ROBO1: variants seen among roughly 807,000 people sequenced by gnomAD.
ROBO1 encodes the protein roundabout homolog 1.
ROBO1 carries 149 observed loss-of-function variants against 195.9 expected under a neutral mutation model. The observed-to-expected ratio is 0.76, with a 90% confidence interval of 0.67 to 0.87. ROBO1 has a LOEUF of 0.87. Ranked by LOEUF, ROBO1 falls within the 40% of genes least tolerant of loss-of-function variation. ROBO1 has a pLI of 0.00. For missense variants in ROBO1, 1,933 were observed against 2,068.3 expected (o/e 0.93, Z 1.27); for synonymous variants, 816 against 733.2 (o/e 1.11, Z -1.82).
chr3:79,458,446 A>C (rs567339699), intron 2 of ROBO1, among the ~76,000 whole-genome samples: 1 of 152,286 alleles, frequency 6.6e-6, no homozygotes, highest in Admixed American at 6.5e-5. Flanking sequence ...ATCTGGAAGA[A>C]TGGGCCACTC....
At chr3:79,554,671 C>T (rs2107685266) in intron 2 of ROBO1, among the ~76,000 whole-genome samples, 1 of 152,108 alleles carries the variant, frequency 6.6e-6, no homozygotes, top group East Asian at 1.9e-4. Flanking sequence ...AGTAGGGAGA[C>T]TCCTATTATT....
At chr3:79,444,902 C>A (rs1393230854) in intron 2 of ROBO1, among the ~76,000 whole-genome samples, 1 of 151,712 alleles carries the variant, frequency 6.6e-6, no homozygotes, top group Non-Finnish European at 1.5e-5. Context: ...GATAACAATG[C>A]AAATATGTTA....
intron 2 of ROBO1, among the ~76,000 whole-genome samples, chr3:79,433,073 A>C (rs2038744331): frequency 2.6e-5 from 4 of 152,162 alleles, no homozygotes; most frequent in African/African-American, 9.6e-5. Flanking sequence ...GGTATGTTAC[A>C]TAGTTAAATG....
intron 2 of ROBO1, among the ~76,000 whole-genome samples, chr3:79,345,033 TC>T (rs2035057935): frequency 6.6e-6 from 1 of 152,186 alleles, no homozygotes; most frequent in Non-Finnish European, 1.5e-5. Context: ...TAAACCTCTT[TC>T]CTTTAGAAAC....
chr3:78,628,070 C>T (rs1432063761), intron 25 of ROBO1, among the ~76,000 whole-genome samples: 1 of 151,706 alleles, frequency 6.6e-6, no homozygotes, highest in East Asian at 2.0e-4. Context: ...TCTTTTGGCT[C>T]AGCCTCCTGA....
intron 10 of ROBO1, among the ~76,000 whole-genome samples, chr3:78,683,929 C>A (rs1258451022): frequency 6.6e-6 from 1 of 151,754 alleles, no homozygotes; most frequent in Non-Finnish European, 1.5e-5. Flanking sequence ...TGGTTTTCAG[C>A]AAAATTAATT....
chr3:79,216,865 A>C (rs1310265473), intron 2 of ROBO1, among the ~76,000 whole-genome samples: 1 of 152,080 alleles, frequency 6.6e-6, no homozygotes, highest in Non-Finnish European at 1.5e-5. Flanking sequence ...ATAGAAACCC[A>C]TCTTGGTGAT....
intron 1 of ROBO1, among the ~76,000 whole-genome samples, chr3:79,649,519 C>G (rs1427700000): frequency 6.6e-6 from 1 of 151,898 alleles, no homozygotes; most frequent in Non-Finnish European, 1.5e-5. Context: ...CATTTAAACA[C>G]TCGTGAATCA....
intron 2 of ROBO1, among the ~76,000 whole-genome samples, chr3:79,545,568 A>C (rs1371150163): frequency 1.3e-5 from 2 of 152,190 alleles, no homozygotes; most frequent in Non-Finnish European, 2.9e-5. Context: ...AATAACCCTA[A>C]TGAGTTTTAA....
intron 3 of ROBO1, among the ~76,000 whole-genome samples, chr3:79,027,228 G>A (rs1273870749): frequency 6.6e-6 from 1 of 152,010 alleles, no homozygotes; most frequent in Non-Finnish European, 1.5e-5. Flanking sequence ...AATTGTACTC[G>A]AGTTTCCTAT....
chr3:79,586,105 G>A (rs769494930), intron 2 of ROBO1, among the ~76,000 whole-genome samples: 33 of 151,768 alleles, frequency 2.2e-4, no homozygotes, highest in Non-Finnish European at 4.7e-4. Context: ...CTTTCAATTT[G>A]TTTTCACATG....
At chr3:79,641,751 T>A (rs1055704259) in intron 1 of ROBO1, among the ~76,000 whole-genome samples, 13 of 152,022 alleles carry the variant, frequency 8.6e-5, no homozygotes, top group Non-Finnish European at 1.8e-4. Context: ...GGTGTGGTGG[T>A]TCATGCCTGT....
At chr3:79,472,023 G>A (rs1307598706) in intron 2 of ROBO1, among the ~76,000 whole-genome samples, 9 of 151,936 alleles carry the variant, frequency 5.9e-5, no homozygotes, top group Non-Finnish European at 8.8e-5. Flanking sequence ...ACCAAGGCAC[G>A]TGTATACCTA....
intron 2 of ROBO1, among the ~76,000 whole-genome samples, chr3:79,483,617 T>A (rs66851083): frequency 6.6e-6 from 1 of 152,096 alleles, no homozygotes. Flanking sequence ...CTGTAAATCA[T>A]GTTACTGTAC....
At position 79,577,841 on chromosome 3, in the gene ROBO1, G is replaced by C. The variant is rs577502467; in HGVS notation, c.88+11983C>G. On this transcript the variant is annotated intron_variant, in intron 2 of 30. Transcript: ENST00000464233. ...GCAGGAGAATCGCTTGAACTCGGGAGGCAGAGGTTGCAGTGAGCGGAGAGC... is the reference window on the plus strand; with the variant it reads ...GCAGGAGAATCGCTTGAACTCGGGACGCAGAGGTTGCAGTGAGCGGAGAGC... Among the ~76,000 whole-genome samples, 36 of 152,114 alleles carry C rather than the reference G, an allele frequency of 2.4e-4. 1 individual carries two copies. The South Asian group carries it at 7.0e-3, about 30-fold the overall frequency.
At chr3:79,654,003 T>C (rs1206513689) in intron 1 of ROBO1, among the ~76,000 whole-genome samples, 1 of 152,000 alleles carries the variant, frequency 6.6e-6, no homozygotes, top group Non-Finnish European at 1.5e-5. Context: ...AGCTATCGAT[T>C]TGTGAGTTAA....
chr3:79,071,222 GATTTT>G (rs2079082535), intron 3 of ROBO1, among the ~76,000 whole-genome samples: 7 of 151,602 alleles, frequency 4.6e-5, no homozygotes, highest in African/African-American at 1.2e-4. Context: ...CTATCATACA[GATTTT>G]ATTTTAATTA....
intron 5 of ROBO1, among the ~76,000 whole-genome samples, chr3:78,745,985 A>C (rs930072781): frequency 5.9e-5 from 9 of 152,210 alleles, no homozygotes; most frequent in African/African-American, 2.2e-4. Flanking sequence ...GCGAATTCAC[A>C]ATGGACAGAT....
intron 2 of ROBO1, among the ~76,000 whole-genome samples, chr3:79,136,773 G>A (rs2080417394): frequency 6.6e-6 from 1 of 152,058 alleles, no homozygotes; most frequent in African/African-American, 2.4e-5. Context: ...TTTATTATCT[G>A]TCCCATTTTT....
Sources: allele counts gnomAD v4.1 joint callset (sites outside exome capture counted in the v4.1 genomes callset), GRCh38; gene constraint gnomAD v4.1.1; transcripts MANE v1.5; gene names NCBI Gene and HGNC (gene_info 2026-07-23, HGNC 2026-07-21).